The following CCP110 variants were observed in gnomAD, a reference collection of about 807,000 sequenced individuals.
CCP110 encodes the protein centriolar coiled-coil protein 110, also known as centriolar coiled-coil protein of 110 kDa.
CCP110 carries 43 observed loss-of-function variants against 105.5 expected under a neutral mutation model. The observed-to-expected ratio is 0.41, with a 90% CI of 0.32 to 0.53. The LOEUF is 0.53. Ranked by LOEUF, CCP110 falls within the 20% of genes least tolerant of loss-of-function variation. The pLI is 0.32. For missense variants in CCP110, 1,016 were observed against 1,189.1 expected, an observed-to-expected ratio of 0.85 and a Z score of 2.14; for synonymous variants, 353 against 392.1, an observed-to-expected ratio of 0.90 and a Z score of 1.18.
At chr16:19,546,047 G>T (rs1274046941) in intron 11 of CCP110, 157 bp downstream of exon 11, 2 of 551,560 alleles carry the variant, frequency 3.6e-6, no homozygotes, top group Admixed American at 3.4e-5. Context: ...ATTAAAATCA[G>T]GTGCTAAAAT....
In CCP110 at chr16:19,531,441, T is replaced by C. The variant is rs541386152; in HGVS notation, c.142-975T>C. 2.6e-5 allele frequency among the ~76,000 whole-genome samples: 4 copies of C among 152,364 alleles called. No individual in the cohort carries two copies. The East Asian group carries it at 5.8e-4, about 22-fold the overall frequency. ...ACTTAATAATTAAGATTGAAATCCA[T>C]TATAAAGAGATACAATGCTTAGAAG... On this transcript the variant is annotated intron_variant, in intron 2 of 14. Coordinates refer to ENST00000381396, the Ensembl canonical transcript of CCP110.
exon 4 of CCP110, chr16:19,537,027 T>C: frequency 6.2e-7 from 1 of 1,614,230 alleles, no homozygotes; most frequent in Non-Finnish European, 8.5e-7. Context: ...AAAGAAGATG[T>C]GGTTTTAGGT....
intron 8 of CCP110, among the ~76,000 whole-genome samples, chr16:19,544,116 TC>T (rs1370560956): frequency 1.3e-5 from 2 of 152,150 alleles, no homozygotes; most frequent in African/African-American, 2.4e-5. Flanking sequence ...ATATGTGATG[TC>T]CCCCTCGGAC....
intron 12 of CCP110, 69 bp downstream of exon 12, chr16:19,546,543 A>T: frequency 2.3e-6 from 2 of 856,810 alleles, no homozygotes; most frequent in East Asian, 2.5e-5. Flanking sequence ...TTGGCTGGGC[A>T]CGGTGGCTCA....
At position 19,546,417 on chromosome 16, in the gene CCP110, CT is replaced by C; in HGVS notation, c.2784del (p.Glu929LysfsTer45). 1 of 1,567,668 alleles carries C rather than the reference CT, an allele frequency of 6.4e-7. No individual in the cohort carries two copies. The highest frequency in any genetic ancestry group is 8.8e-7 in the Non-Finnish European group (1 of 1,139,068). ...TTATTTTTATATTGTGTTAGAGCTG[CT>C]GAAATGGGAATGCCAAATAAGAAAT... On this transcript the variant is annotated frameshift_variant, in exon 12 of 15. Transcript: ENST00000381396. LOFTEE classifies it high-confidence loss of function.
chr16:19,553,114 G>C (rs867617430), exon 15 of CCP110: 3 of 152,160 alleles, frequency 2.0e-5, no homozygotes, highest in Non-Finnish European at 4.4e-5. Flanking sequence ...AAAACAAATA[G>C]TTTTGGAGAA....
rs759872553 is a variant in CCP110, at chr16:19,547,996, G to A, written c.2882G>A (p.Arg961Lys). Residue 961 changes from arginine to lysine, a missense_variant, in exon 13 of 15, where the codon AGG becomes AAG. Coordinates refer to ENST00000381396, the Ensembl canonical transcript of CCP110. The stretch of plus-strand genomic sequence containing the variant: ...CAAGGACAGAATGCACCTGTTCATA[G>A]GCTACTTAGTAGACAAGGGTAAGAA... 12 of 1,611,432 alleles carry A rather than the reference G, an allele frequency of 7.4e-6. No individual in the cohort carries two copies. The highest frequency in any genetic ancestry group is 1.0e-5 in the Non-Finnish European group (12 of 1,177,758).
intron 12 of CCP110, chr16:19,547,734 CT>C: frequency 2.1e-6 from 1 of 474,872 alleles, no homozygotes; most frequent in Non-Finnish European, 3.8e-6. Flanking sequence ...TTGGACATTT[CT>C]TTGCTGATAA....
chr16:19,542,708 C>G (rs1736406922), exon 7 of CCP110: 1 of 1,613,466 alleles, frequency 6.2e-7, no homozygotes, highest in South Asian at 1.1e-5. Context: ...AGTGGCTTGA[C>G]CAAACTCTCA....
At chr16:19,534,285 C>T (rs1000175799) in intron 3 of CCP110, among the ~76,000 whole-genome samples, 3 of 151,920 alleles carry the variant, frequency 2.0e-5, no homozygotes, top group African/African-American at 2.4e-5. Context: ...CATTCTTGGT[C>T]CATTGAGGGA....
chr16:19,534,817 G>T (rs1443239651), intron 3 of CCP110, among the ~76,000 whole-genome samples: 1 of 149,552 alleles, frequency 6.7e-6, no homozygotes, highest in Non-Finnish European at 1.5e-5. Context: ...GAGCCATGTG[G>T]TCTAGAAAAA....
rs770128617 is a variant in CCP110 at position 19,542,739 on chromosome 16, A to G, written c.2346A>G (p.Arg782=). The G allele has an allele frequency of 4.3e-6, 7 of 1,613,586 alleles. No individual in the cohort carries two copies. In the African/African-American group the frequency reaches 9.3e-5, roughly 21 times the overall value. Residue 782 remains arginine (R), a synonymous_variant, in exon 7 of 15, where the codon AGA becomes AGG. Coordinates refer to ENST00000381396, the Ensembl canonical transcript of CCP110. ...TCTCAGTAACAAGGCCTTTTGGAAG[A>G]GCCAAAACTAGATGGTCTCAAGTGG... is the stretch of plus-strand genomic sequence containing the variant.
chr16:19,525,738 C>T (rs1452546599), intron 1 of CCP110: 1 of 152,602 alleles, frequency 6.6e-6, no homozygotes, highest in Non-Finnish European at 1.5e-5. Flanking sequence ...TGTGCTGATA[C>T]TGTTCTGTGT....
At chr16:19,530,443 T>TTGAGGTCAGGAGTTC in intron 2 of CCP110, among the ~76,000 whole-genome samples, 1 of 151,784 alleles carries the variant, frequency 6.6e-6, no homozygotes, top group East Asian at 2.0e-4. Context: ...TTTGGGAGGC[T>TTGAGGTCAGGAGTTC]GAGACCAGCC....
exon 4 of CCP110, chr16:19,537,072 A>G (rs1970093323): frequency 6.2e-7 from 1 of 1,614,244 alleles, no homozygotes. Flanking sequence ...TCAGGAAATC[A>G]TTTAGAAAAT....
At chr16:19,530,759 G>T (rs1003815041) in intron 2 of CCP110, among the ~76,000 whole-genome samples, 1 of 152,064 alleles carries the variant, frequency 6.6e-6, no homozygotes, top group African/African-American at 2.4e-5. Flanking sequence ...TTCGAGACCA[G>T]CCTGGCCAAC....
chr16:19,549,877 C>T (rs1970578850), intron 14 of CCP110, among the ~76,000 whole-genome samples: 1 of 152,130 alleles, frequency 6.6e-6, no homozygotes, highest in Non-Finnish European at 1.5e-5. Context: ...CACTTGTGAA[C>T]TTATAAGCAA....
At chr16:19,544,478 AT>A (rs554260564) in intron 8 of CCP110, among the ~76,000 whole-genome samples, 18 of 152,194 alleles carry the variant, frequency 1.2e-4, no homozygotes, top group Middle Eastern at 3.4e-3. Flanking sequence ...ACATGTACAA[AT>A]TTTTTTTCCT....
chr16:19,551,424 T>A (rs1232962207), exon 15 of CCP110: 3 of 652,966 alleles, frequency 4.6e-6, no homozygotes, highest in Admixed American at 2.7e-5. Context: ...ACACCCCTAT[T>A]TTCCTCTTAA....
Sources: allele counts gnomAD v4.1 joint callset (sites outside exome capture counted in the v4.1 genomes callset), GRCh38; gene constraint gnomAD v4.1.1; transcripts MANE v1.5; gene names NCBI Gene and HGNC (gene_info 2026-07-23, HGNC 2026-07-21).